XPR1: variants seen among roughly 807,000 people sequenced by gnomAD.
XPR1 encodes xenotropic and polytropic retrovirus receptor 1, also known as solute carrier family 53 member 1.
Under a neutral mutation model 87.5 loss-of-function variants are expected in XPR1, and 28 were observed. The observed-to-expected ratio is 0.32, with a 90% CI of 0.24 to 0.44. The LOEUF (loss-of-function observed/expected upper bound fraction) is 0.44, where lower values mean the gene tolerates loss of function less well. XPR1 is among the 20% of genes least tolerant of loss of function. XPR1 has a pLI of 1.00. For missense variants in XPR1, 559 were observed against 862.3 expected (o/e 0.65, Z 4.41); for synonymous variants, 300 against 306.1 (o/e 0.98, Z 0.21).
At chr1:180,717,657 C>T (rs571023650) in intron 2 of XPR1, among the ~76,000 whole-genome samples, 3 of 152,252 alleles carry the variant, frequency 2.0e-5, no homozygotes, top group Admixed American at 2.0e-4. Context: ...ATGGAAACTT[C>T]TGGCTAAGAA....
intron 2 of XPR1, among the ~76,000 whole-genome samples, chr1:180,745,924 T>TTTTTG (rs1284480469): frequency 2.6e-5 from 4 of 152,242 alleles, no homozygotes; most frequent in Admixed American, 6.5e-5. Context: ...CTTTGCTTGC[T>TTTTTG]TTTTGTTTTG....
intron 9 of XPR1, among the ~76,000 whole-genome samples, chr1:180,827,671 T>C (rs762510389): frequency 6.6e-6 from 1 of 152,158 alleles, no homozygotes; most frequent in Non-Finnish European, 1.5e-5. Flanking sequence ...GTAACTGTTA[T>C]AAACAGAACA....
intron 11 of XPR1, among the ~76,000 whole-genome samples, chr1:180,846,959 T>C (rs563826837): frequency 6.6e-6 from 1 of 152,328 alleles, no homozygotes; most frequent in Admixed American, 6.5e-5. Context: ...GTTCCTCTCC[T>C]GTGGGCTCCT....
At chr1:180,658,088 G>A (rs749018880) in intron 1 of XPR1, among the ~76,000 whole-genome samples, 65 of 152,120 alleles carry the variant, frequency 4.3e-4, no homozygotes, top group Non-Finnish European at 3.1e-4. Flanking sequence ...TTTTCAGATC[G>A]TTTGCTGTTG....
chr1:180,854,335 G>A (rs1019401318), intron 11 of XPR1, among the ~76,000 whole-genome samples: 8 of 152,210 alleles, frequency 5.3e-5, no homozygotes, highest in South Asian at 2.1e-4. Context: ...GGTTAGCTCC[G>A]CATACATATT....
chr1:180,714,467 C>T (rs1212230803), intron 2 of XPR1, among the ~76,000 whole-genome samples: 4 of 151,200 alleles, frequency 2.6e-5, no homozygotes, highest in Non-Finnish European at 1.5e-5. Context: ...TGCGGTGGCA[C>T]AATCATAGCA....
At chr1:180,663,834 G>A (rs1655864170) in intron 1 of XPR1, among the ~76,000 whole-genome samples, 1 of 152,118 alleles carries the variant, frequency 6.6e-6, no homozygotes, top group Non-Finnish European at 1.5e-5. Flanking sequence ...TTCTACCTCG[G>A]CTGAGCAGGC....
At chr1:180,637,458 T>C (rs1654822244) in intron 1 of XPR1, among the ~76,000 whole-genome samples, 1 of 152,206 alleles carries the variant, frequency 6.6e-6, no homozygotes, top group African/African-American at 2.4e-5. Flanking sequence ...CTCCTTCTAG[T>C]ACTAGCTTTT....
At chr1:180,805,118 G>A (rs1340455247) in intron 4 of XPR1, among the ~76,000 whole-genome samples, 3 of 152,196 alleles carry the variant, frequency 2.0e-5, no homozygotes, top group African/African-American at 4.8e-5. Flanking sequence ...GAGAATGAAG[G>A]AGAAAGGAAG....
At chr1:180,824,319 A>T (rs1032788170) in intron 7 of XPR1, among the ~76,000 whole-genome samples, 2 of 152,240 alleles carry the variant, frequency 1.3e-5, no homozygotes, top group Non-Finnish European at 2.9e-5. Context: ...GGGGTGGTTC[A>T]TGCCTGTAAT....
At chr1:180,852,072 G>A (rs1651883540) in intron 11 of XPR1, among the ~76,000 whole-genome samples, 1 of 151,442 alleles carries the variant, frequency 6.6e-6, no homozygotes, top group Non-Finnish European at 1.5e-5. Flanking sequence ...GTTTGGTAAG[G>A]GAAATAGACT....
intron 2 of XPR1, among the ~76,000 whole-genome samples, chr1:180,758,423 G>C (rs1357774450): frequency 1.3e-5 from 2 of 152,080 alleles, no homozygotes; most frequent in East Asian, 3.9e-4. Flanking sequence ...AAATGGTAAA[G>C]ATGGACCAGC....
At chr1:180,646,169 A>G (rs1423893467) in intron 1 of XPR1, among the ~76,000 whole-genome samples, 3 of 152,166 alleles carry the variant, frequency 2.0e-5, no homozygotes, top group Non-Finnish European at 4.4e-5. Context: ...CCATTTGTCT[A>G]GTTACAGTGC....
intron 9 of XPR1, 48 bp downstream of exon 9, chr1:180,825,392 T>C: frequency 6.4e-7 from 1 of 1,556,340 alleles, no homozygotes; most frequent in Non-Finnish European, 8.7e-7. Context: ...ATATTGGTTA[T>C]TGACTTCCTC....
intron 2 of XPR1, among the ~76,000 whole-genome samples, chr1:180,750,728 T>C (rs933840328): frequency 1.3e-5 from 2 of 152,110 alleles, no homozygotes; most frequent in African/African-American, 4.8e-5. Context: ...TTAACTTTTC[T>C]TAAATTTCCA....
At chr1:180,735,533 T>C (rs1026269695) in intron 2 of XPR1, among the ~76,000 whole-genome samples, 1 of 152,186 alleles carries the variant, frequency 6.6e-6, no homozygotes, top group Admixed American at 6.5e-5. Flanking sequence ...GTATTTGATT[T>C]GTGTACAATC....
chr1:180,846,319 A>G (rs1205983054), intron 11 of XPR1, among the ~76,000 whole-genome samples: 3 of 152,114 alleles, frequency 2.0e-5, no homozygotes, highest in African/African-American at 4.8e-5. Flanking sequence ...CTGGCTAGCA[A>G]TTTTCTCAAT....
chr1:180,640,531 A>G (rs962775349), intron 1 of XPR1, among the ~76,000 whole-genome samples: 4 of 152,234 alleles, frequency 2.6e-5, no homozygotes, highest in Non-Finnish European at 5.9e-5. Flanking sequence ...TTAAACATGC[A>G]TACATTTAGG....
In XPR1 at chr1:180,632,100, G is replaced by C. The variant is rs887203272; in HGVS notation, c.-102G>C. The C allele has an allele frequency of 4.3e-6, 6 of 1,409,276 alleles. No homozygotes were observed. In the African/African-American group the frequency reaches 7.1e-5, roughly 17 times the overall value. 87.3% of individuals were successfully genotyped at this position (1,409,276 alleles called of 1,614,324 possible). On this transcript the variant is annotated 5_prime_UTR_variant, in exon 1 of 15. Coordinates refer to ENST00000367590, the MANE Select transcript of XPR1 (RefSeq NM_004736.4). ...CGGCGGAGGAGGAGAGAAGCGCAGC[G>C]CCGCGCCGCGCCGGGGCCCATGTGG... is the stretch of plus-strand genomic sequence containing the variant.
Sources: allele counts gnomAD v4.1 joint callset (sites outside exome capture counted in the v4.1 genomes callset), GRCh38; gene constraint gnomAD v4.1.1; transcripts MANE v1.5; gene names NCBI Gene and HGNC (gene_info 2026-07-23, HGNC 2026-07-21).